The following MBD5 variants were observed in gnomAD, a reference collection of about 807,000 sequenced individuals.
MBD5 encodes methyl-CpG-binding domain protein 5.
In MBD5, 13 loss-of-function variants were observed where a neutral mutation model predicts 117.3. The observed-to-expected ratio is 0.11, with a 90% CI of 0.07 to 0.18. The LOEUF is 0.18. Ranked by LOEUF, MBD5 falls within the 10% of genes least tolerant of loss-of-function variation. The pLI is 1.00. For missense variants in MBD5, 1,879 were observed against 2,093.8 expected (o/e 0.90, Z 2.00); for synonymous variants, 727 against 766.4 (o/e 0.95, Z 0.85).
chr2:148,496,934 A>T (rs1482742824), intron 11 of MBD5, among the ~76,000 whole-genome samples: 1 of 152,220 alleles, frequency 6.6e-6, no homozygotes, highest in Non-Finnish European at 1.5e-5. Context: ...GTCACAGGTG[A>T]ATCAACTTTT....
intron 2 of MBD5, among the ~76,000 whole-genome samples, chr2:148,211,162 G>C (rs1247846235): frequency 6.6e-6 from 1 of 152,152 alleles, no homozygotes; most frequent in Admixed American, 6.5e-5. Flanking sequence ...GGGGGACTTT[G>C]CTGTCCCTTT....
intron 3 of MBD5, among the ~76,000 whole-genome samples, chr2:148,300,229 T>C (rs767234800): frequency 6.6e-6 from 1 of 152,134 alleles, no homozygotes; most frequent in Non-Finnish European, 1.5e-5. Context: ...TAATTTTTTG[T>C]ATTTTTAGTA....
intron 4 of MBD5, among the ~76,000 whole-genome samples, chr2:148,429,556 T>C (rs997644360): frequency 2.0e-5 from 3 of 152,266 alleles, no homozygotes; most frequent in South Asian, 2.1e-4. Context: ...CATATGTTTA[T>C]TGTGATACCG....
intron 4 of MBD5, among the ~76,000 whole-genome samples, chr2:148,379,428 A>C (rs768875324): frequency 3.9e-5 from 6 of 152,120 alleles, no homozygotes. Flanking sequence ...ACTTCAAGCC[A>C]AGGATGAAAA....
At chr2:148,286,749 G>T (rs554378899) in intron 3 of MBD5, among the ~76,000 whole-genome samples, 1 of 152,046 alleles carries the variant, frequency 6.6e-6, no homozygotes, top group African/African-American at 2.4e-5. Flanking sequence ...AAGAATAATT[G>T]CAGCCAGGAC....
intron 1 of MBD5, among the ~76,000 whole-genome samples, chr2:148,169,079 A>T (rs1233303142): frequency 6.6e-6 from 1 of 151,786 alleles, no homozygotes; most frequent in Non-Finnish European, 1.5e-5. Flanking sequence ...ATGGAAAAAT[A>T]AATGGAAATT....
intron 1 of MBD5, among the ~76,000 whole-genome samples, chr2:148,141,149 G>C (rs1697303174): frequency 6.6e-6 from 1 of 152,102 alleles, no homozygotes; most frequent in East Asian, 1.9e-4. Context: ...TGTCAGACTA[G>C]GTGAATGTAT....
chr2:148,273,895 T>A (rs1286098958), intron 3 of MBD5, among the ~76,000 whole-genome samples: 1 of 152,214 alleles, frequency 6.6e-6, no homozygotes, highest in Non-Finnish European at 1.5e-5. Context: ...CCCTTATTGA[T>A]ATGGGAAGTC....
intron 1 of MBD5, among the ~76,000 whole-genome samples, chr2:148,111,126 T>A (rs548175282): frequency 6.6e-6 from 1 of 152,286 alleles, no homozygotes; most frequent in African/African-American, 2.4e-5. Context: ...GAAGCTAGTT[T>A]AAAGGGGATT....
At chr2:148,322,382 T>G (rs1702304996) in intron 3 of MBD5, among the ~76,000 whole-genome samples, 1 of 152,256 alleles carries the variant, frequency 6.6e-6, no homozygotes, top group South Asian at 2.1e-4. Context: ...TTCATTTTTC[T>G]ATTTCCTATT....
intron 1 of MBD5, among the ~76,000 whole-genome samples, chr2:148,022,073 A>G (rs1693761734): frequency 6.6e-6 from 1 of 152,178 alleles, no homozygotes; most frequent in Non-Finnish European, 1.5e-5. Flanking sequence ...CTTTTTCTCC[A>G]GGAAAAGCTC....
intron 3 of MBD5, among the ~76,000 whole-genome samples, chr2:148,258,135 T>C (rs2890917): frequency 2.6e-5 from 4 of 151,864 alleles, no homozygotes; most frequent in Admixed American, 1.3e-4. Flanking sequence ...TTGTGGCAGA[T>C]CCTGAGGCTG....
At chr2:148,502,996 A>G (rs1681918752) in intron 12 of MBD5, 1 of 172,690 alleles carries the variant, frequency 5.8e-6, no homozygotes, top group Non-Finnish European at 1.2e-5. Context: ...TTTTCTTTGG[A>G]ATTACAACAA....
At position 148,366,134 on chromosome 2, in the gene MBD5, G is replaced by C. The variant is rs189981297; in HGVS notation, c.-557+23798G>C. ...ATCAGAAAGCTCATCCACCATGATC[G>C]AGTCGACTTCATACCTGGGATGCAA... On this transcript the variant is annotated intron_variant, in intron 4 of 13. Transcript: ENST00000642680. Among the ~76,000 whole-genome samples the C allele has an allele frequency of 3.5e-4, 53 of 152,130 alleles. No homozygotes were observed. In the East Asian group the frequency reaches 9.3e-3, roughly 27 times the overall value.
At chr2:148,037,379 C>A (rs902876960) in intron 1 of MBD5, among the ~76,000 whole-genome samples, 2 of 151,880 alleles carry the variant, frequency 1.3e-5, no homozygotes, top group Admixed American at 6.6e-5. Context: ...AACCTAATCA[C>A]CCAGTAACCC....
chr2:148,072,272 A>T (rs1429121905), intron 1 of MBD5, among the ~76,000 whole-genome samples: 1 of 152,198 alleles, frequency 6.6e-6, no homozygotes, highest in Non-Finnish European at 1.5e-5. Context: ...TCTGCATAGT[A>T]AAAATGAATC....
chr2:148,154,611 C>T (rs1697811372), intron 1 of MBD5, among the ~76,000 whole-genome samples: 1 of 152,340 alleles, frequency 6.6e-6, no homozygotes, highest in East Asian at 1.9e-4. Context: ...CCCTCTGAGC[C>T]AGGTGCGGGA....
chr2:148,366,644 T>G (rs1703708594), intron 4 of MBD5, among the ~76,000 whole-genome samples: 1 of 152,142 alleles, frequency 6.6e-6, no homozygotes, highest in Non-Finnish European at 1.5e-5. Context: ...GGATACAAAA[T>G]CAATGTGCAA....
At chr2:148,366,919 T>C (rs965679167) in intron 4 of MBD5, among the ~76,000 whole-genome samples, 2 of 152,174 alleles carry the variant, frequency 1.3e-5, no homozygotes. Flanking sequence ...AATTTATAGA[T>C]TCAATGTTAT....
Sources: allele counts gnomAD v4.1 joint callset (sites outside exome capture counted in the v4.1 genomes callset), GRCh38; gene constraint gnomAD v4.1.1; transcripts MANE v1.5; gene names NCBI Gene and HGNC (gene_info 2026-07-23, HGNC 2026-07-21).